Variants in GAREM2 observed in about 807,000 individuals in gnomAD.
GAREM2 encodes GRB2-associated and regulator of MAPK protein 2.
Under a neutral mutation model 55.6 loss-of-function variants are expected in GAREM2, and 30 were observed. The ratio of observed to expected loss-of-function variants is 0.54; its 90% CI spans 0.40 to 0.73. The LOEUF (loss-of-function observed/expected upper bound fraction) is 0.73, where lower values mean the gene tolerates loss of function less well. GAREM2 is among the 30% of genes least tolerant of loss of function. The pLI, the probability that GAREM2 is intolerant of heterozygous loss-of-function variation, is 0.00. For synonymous variants in GAREM2, 550 were observed against 569.1 expected, an observed-to-expected ratio of 0.97 and a Z score of 0.48; for missense variants, 1,075 against 1,257.7, an observed-to-expected ratio of 0.85 and a Z score of 2.20.
chr2:26,193,486 T>A (rs1574602133), downstream of GAREM2: 7 of 1,104,058 alleles, frequency 6.3e-6, no homozygotes, highest in East Asian at 2.3e-5. Flanking sequence ...AAAACTTTCT[T>A]CCACGAGGGC....
At chr2:26,182,355 C>G (rs2147730910) in intron 2 of GAREM2, 1 of 1,516,286 alleles carries the variant, frequency 6.6e-7, no homozygotes, top group Non-Finnish European at 8.9e-7. Context: ...GATATTGGAC[C>G]AGGGCAGGGT....
chr2:26,191,737 C>T (rs893435756), downstream of GAREM2: 4 of 1,113,332 alleles, frequency 3.6e-6, no homozygotes, highest in Non-Finnish European at 5.5e-6. Context: ...GCTCTGTGGG[C>T]CGGTTGGTGC....
chr2:26,178,913 C>T (rs1040445086), intron 2 of GAREM2, among the ~76,000 whole-genome samples: 12 of 151,940 alleles, frequency 7.9e-5, no homozygotes, highest in African/African-American at 2.9e-4. Flanking sequence ...GAGGCAGAGG[C>T]CCCTAGGAGG....
chr2:26,174,531 C>T lies in GAREM2; in HGVS notation c.112+1199C>T, dbSNP rs569705713. On this transcript the variant is annotated intron_variant, in intron 1 of 5. Transcript: ENST00000401533. The stretch of plus-strand genomic sequence containing the variant: ...TCTGGCTTGTCTCCTACTGTGCACC[C>T]CATTATAATGGTCAGTCAGTTTATT... Among the ~76,000 whole-genome samples the T allele has an allele frequency of 4.6e-5, 7 of 152,344 alleles. No homozygotes were observed. In the South Asian group the frequency reaches 1.5e-3, roughly 32 times the overall value.
In GAREM2 at chr2:26,187,462, C is replaced by G. The variant is rs1321201092; in HGVS notation, c.1830C>G (p.Ser610Arg). Residue 610 changes from serine to arginine, a missense_variant, in exon 6 of 6, where the codon AGC (serine) becomes AGG (arginine). Around this residue, in one of 6 missense-constraint regions of GAREM2, gnomAD observed 515 missense variants for 501.5 expected, o/e 1.03. Coordinates refer to ENST00000401533, the MANE Select transcript of GAREM2 (RefSeq NM_001168241.2). ...GADTPVKTYH[S>R]CPPLFKPSHP... ...ACACCCCTGTTAAGACCTACCACAG[C>G]TGCCCTCCTCTATTCAAGCCCTCAC... 1 of 1,548,320 alleles carries G rather than the reference C, an allele frequency of 6.5e-7. No homozygotes were observed. Among genetic ancestry groups the G allele is most frequent in the Non-Finnish European group, 8.7e-7 (1 of 1,145,494 alleles).
the GAREM2 span, among the ~76,000 whole-genome samples, chr2:26,201,955 T>A: frequency 8.3e-6 from 1 of 120,530 alleles, no homozygotes; most frequent in South Asian, 2.7e-4. Flanking sequence ...CCACCACGCC[T>A]GGCTAATTTT....
At chr2:26,203,974 C>CA in the GAREM2 span, 2 of 1,339,870 alleles carry the variant, frequency 1.5e-6, no homozygotes, top group Non-Finnish European at 2.1e-6. Flanking sequence ...AACAAACAAA[C>CA]AAAAAAACCC....
chr2:26,184,899 C>T lies in GAREM2; in HGVS notation c.1051C>T (p.Arg351Cys). ...VRDSASYCRERFDPDEYSTAV... is the reference protein window; with the variant it reads ...VRDSASYCRECFDPDEYSTAV... ...CGACAGCGCCTCCTACTGCCGCGAG[C>T]GCTTCGACCCCGACGAGTACTCCAC... is the stretch of plus-strand genomic sequence containing the variant. Residue 351 changes from arginine (R) to cysteine (C), a missense_variant, in exon 4 of 6, where the codon CGC (arginine) becomes TGC (cysteine). Arg to Cys is a radical substitution (Grantham distance 180, BLOSUM62 -3). Around this residue, in one of 6 missense-constraint regions of GAREM2, gnomAD observed 170 missense variants for 220.7 expected, o/e 0.77. Transcript: ENST00000401533. 2 of 1,453,706 alleles carry T rather than the reference C, an allele frequency of 1.4e-6. No homozygotes were observed. The highest frequency in any genetic ancestry group is 2.7e-5 in the Admixed American group (1 of 36,614). The allele number at this position is 1,453,706 out of a possible 1,614,324, so 90.1% of individuals were successfully genotyped here. A position where few individuals can be genotyped will look rare whatever the true frequency, so the allele number is the denominator to read the frequency against.
At chr2:26,201,100 G>A in the GAREM2 span, 4 of 1,401,746 alleles carry the variant, frequency 2.9e-6, no homozygotes, top group Non-Finnish European at 4.1e-6. Context: ...AAATCTCTGT[G>A]TTTTCTGTTC....
At position 26,187,346 on chromosome 2, in the gene GAREM2, G is replaced by A. The variant is rs1045992415; in HGVS notation, c.1714G>A (p.Gly572Ser). ...VGESSSRPAP[G>S]PLPSTTQPSQ... ...CGAGTCCTCTAGCCGCCCAGCCCCC[G>A]GTCCCCTACCCTCAACCACACAGCC... Residue 572 changes from glycine (G) to serine (S), a missense_variant, in exon 6 of 6, where the codon GGT becomes AGT. Physicochemically the swap from Gly to Ser is moderately conservative, Grantham distance 56. Transcript: ENST00000401533. The A allele has an allele frequency of 3.2e-6, 5 of 1,542,622 alleles. No homozygotes were observed. The highest frequency in any genetic ancestry group is 2.4e-5 in the South Asian group (2 of 82,880).
In GAREM2 at chr2:26,186,329, C is replaced by G. The variant is rs780906649; in HGVS notation, c.1569C>G (p.Leu523=). ...CGGTACATTCCCCCAGCTCCAGCCTCTCCTACTACTCCTCTGGCCTCCAGG... is the reference window on the plus strand; with the variant it reads ...CGGTACATTCCCCCAGCTCCAGCCTGTCCTACTACTCCTCTGGCCTCCAGG... ...LQPVHSPSSS[L]SYYSSGLQDG... is the part of the protein sequence containing the mutation. The change falls in exon 5 of 6, where the codon CTC becomes CTG. Residue 523 remains leucine, a synonymous_variant. Transcript: ENST00000401533. 2 of 1,551,918 alleles carry G rather than the reference C, an allele frequency of 1.3e-6. No individual in the cohort carries two copies. Among genetic ancestry groups the G allele is most frequent in the Non-Finnish European group, 1.7e-6 (2 of 1,147,020 alleles).
At chr2:26,198,218 C>G in the GAREM2 span, among the ~76,000 whole-genome samples, 7 of 152,178 alleles carry the variant, frequency 4.6e-5, no homozygotes, top group Non-Finnish European at 1.0e-4. Flanking sequence ...ATGCTTGTCT[C>G]ATTTTATACA....
At chr2:26,178,166 T>C (rs903536432) in intron 2 of GAREM2, among the ~76,000 whole-genome samples, 9 of 152,220 alleles carry the variant, frequency 5.9e-5, no homozygotes, top group African/African-American at 2.2e-4. Flanking sequence ...CTCAGATTTC[T>C]TTCTGACCTG....
At position 26,187,772 on chromosome 2, in the gene GAREM2, C is replaced by G; in HGVS notation, c.2140C>G (p.Pro714Ala). 3 of 1,447,334 alleles carry G rather than the reference C, an allele frequency of 2.1e-6. No homozygotes were observed. The highest frequency in any genetic ancestry group is 2.7e-6 in the Non-Finnish European group (3 of 1,095,266). 89.7% of individuals were successfully genotyped at this position (1,447,334 alleles called of 1,614,324 possible). A position where few individuals can be genotyped will look rare whatever the true frequency, so the allele number is the denominator to read the frequency against. ...FELGQGSSPE[P>A]ELLRSQEPRA... is the part of the protein sequence containing the mutation. Reference sequence around the variant, plus strand: ...GCTGGGGCAGGGCAGTTCTCCAGAGCCTGAGCTGCTGCGTTCTCAGGAGCC... The same window carrying G: ...GCTGGGGCAGGGCAGTTCTCCAGAGGCTGAGCTGCTGCGTTCTCAGGAGCC... The change falls in exon 6 of 6, where the codon CCT becomes GCT. Residue 714 changes from proline to alanine, a missense_variant. Pro to Ala is a conservative substitution (Grantham distance 27). This residue lies in a region of GAREM2 where 515 missense variants were observed against 501.5 expected (regional missense o/e 1.03). Coordinates refer to ENST00000401533, the MANE Select transcript of GAREM2 (RefSeq NM_001168241.2).
chr2:26,182,164 A>T, intron 2 of GAREM2: 11 of 1,310,726 alleles, frequency 8.4e-6, no homozygotes, highest in Non-Finnish European at 1.1e-5. Context: ...GTGAGGTGAG[A>T]GAGCTTACAC....
intron 4 of GAREM2, among the ~76,000 whole-genome samples, chr2:26,185,979 A>G (rs1459640194): frequency 6.6e-6 from 1 of 152,154 alleles, no homozygotes; most frequent in Admixed American, 6.5e-5. Flanking sequence ...GCTGTGGGAC[A>G]GGGTGTGGGT....
intron 2 of GAREM2, among the ~76,000 whole-genome samples, chr2:26,178,863 T>C (rs1417575290): frequency 4.0e-5 from 1 of 25,086 alleles, no homozygotes; most frequent in Admixed American, 4.1e-4. Flanking sequence ...GGGCTGCTTC[T>C]GTCCGCCCGC....
rs745349822 is a variant in GAREM2, at chr2:26,184,695, G to A, written c.847G>A (p.Val283Met). 23 of 1,540,512 alleles carry A rather than the reference G, an allele frequency of 1.5e-5. 1 individual carries two copies. The South Asian group carries it at 2.6e-4, about 18-fold the overall frequency. Residue 283 changes from valine to methionine, a missense_variant, in exon 4 of 6, where the codon GTG (valine) becomes ATG (methionine). Around this residue, in one of 6 missense-constraint regions of GAREM2, gnomAD observed 170 missense variants for 220.7 expected, o/e 0.77. Transcript: ENST00000401533. The part of the protein sequence containing the change: ...PPRNPYDLHP[V>M]REGHCYKLVS... ...GCGCAACCCCTACGACCTGCACCCG[G>A]TGCGGGAGGGTCATTGCTACAAGCT...
At chr2:26,174,297 G>A (rs1365096916) in intron 1 of GAREM2, among the ~76,000 whole-genome samples, 1 of 152,246 alleles carries the variant, frequency 6.6e-6, no homozygotes, top group Non-Finnish European at 1.5e-5. Context: ...GCGCCCCGCC[G>A]TCGGGCAGGC....
Sources: allele counts gnomAD v4.1 joint callset (sites outside exome capture counted in the v4.1 genomes callset), GRCh38; gene constraint gnomAD v4.1.1; regional missense constraint gnomAD v4.1.1; transcripts MANE v1.5; gene names NCBI Gene and HGNC (gene_info 2026-07-23, HGNC 2026-07-21).